UBAP2L: variants seen among roughly 807,000 people sequenced by gnomAD.
The protein encoded by UBAP2L is ubiquitin associated protein 2 like.
UBAP2L carries 12 observed loss-of-function variants against 130.6 expected under a neutral mutation model. The ratio of observed to expected loss-of-function variants is 0.09; its 90% CI spans 0.06 to 0.15. UBAP2L has a LOEUF of 0.15. Among genes scored for constraint, UBAP2L ranks in the 10% least tolerant of loss-of-function variants. The pLI is 1.00. For synonymous variants in UBAP2L, 503 were observed against 524.7 expected (o/e 0.96, Z 0.57); for missense variants, 965 against 1,332.5 (o/e 0.72, Z 4.29).
At chr1:154,237,651 C>T (rs1438277189) in intron 8 of UBAP2L, among the ~76,000 whole-genome samples, 4 of 152,182 alleles carry the variant, frequency 2.6e-5, no homozygotes. Flanking sequence ...ATAAGAATAT[C>T]CTTTTTTTCC....
intron 24 of UBAP2L, among the ~76,000 whole-genome samples, chr1:154,263,734 C>T (rs1558229578): frequency 1.3e-5 from 2 of 152,194 alleles, no homozygotes; most frequent in Non-Finnish European, 2.9e-5. Context: ...ATTCTCCATG[C>T]TTATGTTGCT....
At chr1:154,250,679 C>A (rs747685832) in intron 12 of UBAP2L, among the ~76,000 whole-genome samples, 4 of 151,970 alleles carry the variant, frequency 2.6e-5, no homozygotes, top group Non-Finnish European at 5.9e-5. Flanking sequence ...CATGACAAAA[C>A]CCCGTGTCTA....
upstream of UBAP2L, chr1:154,220,329 G>T (rs368781363): frequency 6.2e-7 from 1 of 1,614,022 alleles, no homozygotes; most frequent in Admixed American, 1.7e-5. Context: ...ATGGGGTGGG[G>T]TAATCTCCTC....
Position 154,260,876 on chromosome 1 carries a change from G to T in UBAP2L, c.2579-16G>T. ...GGGGTGAAAGAGGCAGGTACATTTA[G>T]CTTCTCCTGTCACAGGTGACCTCAC... On this transcript the variant is annotated splice_polypyrimidine_tract_variant and intron_variant, in intron 22 of 26. Transcript: ENST00000428931. The T allele has an allele frequency of 6.2e-7, 1 of 1,613,490 alleles. No homozygotes were observed. Among genetic ancestry groups the T allele is most frequent in the Non-Finnish European group, 8.5e-7 (1 of 1,179,460 alleles).
At chr1:154,269,060 A>C in intron 26 of UBAP2L, 106 bp downstream of exon 26, 20 of 1,294,594 alleles carry the variant, frequency 1.5e-5, no homozygotes, top group Non-Finnish European at 1.8e-5. Flanking sequence ...CCTTCACCCA[A>C]TCCCTCCCCA....
At chr1:154,220,633 G>C (rs915042075), upstream of UBAP2L, 1 of 590,588 alleles carries the variant, frequency 1.7e-6, no homozygotes, top group Non-Finnish European at 3.0e-6. Flanking sequence ...ACTCAGGCAG[G>C]CAATGGCACC....
intron 14 of UBAP2L, among the ~76,000 whole-genome samples, chr1:154,252,099 G>A (rs1015810989): frequency 2.0e-5 from 3 of 151,092 alleles, no homozygotes; most frequent in Admixed American, 6.6e-5. Flanking sequence ...TCAGCCTCCC[G>A]AGTAGCTGGG....
chr1:154,256,562 C>G (rs1679739984), intron 18 of UBAP2L, among the ~76,000 whole-genome samples: 1 of 152,082 alleles, frequency 6.6e-6, no homozygotes, highest in Admixed American at 6.6e-5. Context: ...CTGTTTGAGC[C>G]CAGGAGGCCA....
Position 154,225,101 on chromosome 1 carries a change from ACT to A in UBAP2L, c.-22_-21del. The A allele has an allele frequency of 6.2e-7, 1 of 1,612,804 alleles. No individual in the cohort carries two copies. Among genetic ancestry groups the A allele is most frequent in the East Asian group, 2.2e-5 (1 of 44,870 alleles). On this transcript the variant is annotated 5_prime_UTR_variant, in exon 2 of 27. Transcript: ENST00000428931. ...TCTTTCAGTATTCTACCTTGTAAATACTGTTATTTGTATATACTGTAAATGAT... is the reference window on the plus strand; with the variant it reads ...TCTTTCAGTATTCTACCTTGTAAATAGTTATTTGTATATACTGTAAATGAT...
In UBAP2L at chr1:154,246,958, T is replaced by C. The variant is rs115004424; in HGVS notation, c.1014+583T>C. On this transcript the variant is annotated intron_variant, in intron 11 of 26. Coordinates refer to ENST00000428931, the MANE Select transcript of UBAP2L (RefSeq NM_014847.4). The stretch of plus-strand genomic sequence containing the variant: ...GATATTATAAATAACTTAGAACTTA[T>C]GACATATTACTTGTTGACTCAGAGC... Among the ~76,000 whole-genome samples, 884 of 152,342 alleles carry C rather than the reference T, an allele frequency of 5.8e-3. 13 individuals are homozygous for C. Among genetic ancestry groups the C allele is most frequent in the Middle Eastern group, 0.024 (7 of 294 alleles).
At chr1:154,235,603 G>A (rs1369973300) in intron 6 of UBAP2L, among the ~76,000 whole-genome samples, 3 of 152,152 alleles carry the variant, frequency 2.0e-5, no homozygotes, top group East Asian at 1.9e-4. Flanking sequence ...TCTGCCTCCC[G>A]GGTTCAAGCG....
At chr1:154,250,625 G>A (rs12028554) in intron 12 of UBAP2L, among the ~76,000 whole-genome samples, 69,258 of 151,668 alleles carry the variant, frequency 0.46, 16,117 homozygotes, top group South Asian at 0.64. Context: ...AAGCCGAGGC[G>A]GACGGATCAC....
rs1292641328 is a variant in UBAP2L at position 154,255,143 on chromosome 1, A to C, written c.1910-9A>C. On this transcript the variant is annotated splice_polypyrimidine_tract_variant and intron_variant, in intron 16 of 26. Transcript: ENST00000428931. ...TGATGAGAGGAATTCCTTTCTTCTA[A>C]ATTTCTAGGTGCTACAGGCTCTGCA... is the stretch of plus-strand genomic sequence containing the variant. 2 of 1,613,480 alleles carry C rather than the reference A, an allele frequency of 1.2e-6. No homozygotes were observed. Among genetic ancestry groups the C allele is most frequent in the East Asian group, 4.5e-5 (2 of 44,880 alleles).
chr1:154,230,365 T>C (rs910544681), intron 4 of UBAP2L, among the ~76,000 whole-genome samples: 2 of 152,242 alleles, frequency 1.3e-5, no homozygotes, highest in African/African-American at 4.8e-5. Flanking sequence ...AGGAGGTTTG[T>C]CAATTTCTTT....
chr1:154,255,791 T>C, intron 18 of UBAP2L, 36 bp downstream of exon 18: 2 of 1,607,878 alleles, frequency 1.2e-6, no homozygotes, highest in Non-Finnish European at 8.5e-7. Flanking sequence ...GTGGTTTTCT[T>C]ACACTTAGAA....
At chr1:154,229,244 T>G (rs1030412539) in intron 4 of UBAP2L, among the ~76,000 whole-genome samples, 1 of 152,130 alleles carries the variant, frequency 6.6e-6, no homozygotes, top group Non-Finnish European at 1.5e-5. Context: ...AAACAAGCTT[T>G]GTAGCCTGCT....
intron 9 of UBAP2L, among the ~76,000 whole-genome samples, chr1:154,242,399 A>C (rs972163693): frequency 1.8e-4 from 27 of 152,220 alleles, no homozygotes; most frequent in Admixed American, 1.6e-3. Flanking sequence ...TCAGCATCAC[A>C]GGGTGATTAT....
intron 1 of UBAP2L, among the ~76,000 whole-genome samples, chr1:154,222,424 C>T (rs866746215): frequency 1.2e-4 from 19 of 152,282 alleles, no homozygotes; most frequent in Non-Finnish European, 2.1e-4. Flanking sequence ...ACACCATTGT[C>T]CTTAAAGATT....
In UBAP2L at chr1:154,251,436, G is replaced by A. The variant is rs2274989; in HGVS notation, c.1492-45G>A. Reference sequence around the variant, plus strand: ...AAGGGTTTTTTTTAGTCTTTAGTAAGGTTGTATTAAAGCCATTACTTTCTC... The same window carrying A: ...AAGGGTTTTTTTTAGTCTTTAGTAAAGTTGTATTAAAGCCATTACTTTCTC... On this transcript the variant is annotated intron_variant, in intron 13 of 26. Coordinates refer to ENST00000428931, the MANE Select transcript of UBAP2L (RefSeq NM_014847.4). 1,923 of 1,596,764 alleles carry A rather than the reference G, an allele frequency of 1.2e-3. 29 individuals carry two copies. In the East Asian group the frequency reaches 0.028, roughly 23 times the overall value.
Sources: allele counts gnomAD v4.1 joint callset (sites outside exome capture counted in the v4.1 genomes callset), GRCh38; gene constraint gnomAD v4.1.1; transcripts MANE v1.5; gene names NCBI Gene and HGNC (gene_info 2026-07-23, HGNC 2026-07-21).